UNC5D: variants seen among roughly 807,000 people sequenced by gnomAD.
The protein encoded by UNC5D is unc-5 netrin receptor D, also known as netrin receptor UNC5D.
In UNC5D, 39 loss-of-function variants were observed where a neutral mutation model predicts 105.4. The observed-to-expected ratio is 0.37, with a 90% CI of 0.29 to 0.48. UNC5D has a LOEUF of 0.48. Ranked by LOEUF, UNC5D falls within the 20% of genes least tolerant of loss-of-function variation. The probability of loss-of-function intolerance (pLI) is 0.98; values close to 1 mark genes in which losing one functional copy is unlikely to be tolerated. For missense variants in UNC5D, 991 were observed against 1,202.4 expected (o/e 0.82, Z 2.60); for synonymous variants, 452 against 450.4 (o/e 1.00, Z -0.04).
At chr8:35,463,490 A>G (rs2129695597) in intron 1 of UNC5D, among the ~76,000 whole-genome samples, 1 of 152,270 alleles carries the variant, frequency 6.6e-6, no homozygotes, top group Non-Finnish European at 1.5e-5. Context: ...GTGATCTTAC[A>G]GAAGTCAATG....
chr8:35,538,906 G>C (rs1815066991), intron 1 of UNC5D, among the ~76,000 whole-genome samples: 1 of 152,096 alleles, frequency 6.6e-6, no homozygotes, highest in Non-Finnish European at 1.5e-5. Flanking sequence ...ACTATATTTA[G>C]AGGCAATTTT....
At chr8:35,442,900 TCTCTCACACA>T (rs968264013) in intron 1 of UNC5D, among the ~76,000 whole-genome samples, 3 of 135,138 alleles carry the variant, frequency 2.2e-5, no homozygotes, top group East Asian at 2.1e-4. Context: ...TCTCTCTCTC[TCTCTCACACA>T]CACACACACA....
intron 1 of UNC5D, among the ~76,000 whole-genome samples, chr8:35,416,997 A>G (rs762265927): frequency 2.8e-4 from 42 of 152,244 alleles, no homozygotes; most frequent in African/African-American, 8.2e-4. Context: ...AGTACATGAG[A>G]TGTTTTGATA....
At chr8:35,388,480 A>T (rs1184039552) in intron 1 of UNC5D, among the ~76,000 whole-genome samples, 2 of 152,196 alleles carry the variant, frequency 1.3e-5, no homozygotes, top group African/African-American at 4.8e-5. Flanking sequence ...ACATGTAGTT[A>T]TCAAGGCAGT....
intron 1 of UNC5D, among the ~76,000 whole-genome samples, chr8:35,462,616 C>G (rs1272897144): frequency 6.6e-6 from 1 of 152,086 alleles, no homozygotes; most frequent in Non-Finnish European, 1.5e-5. Context: ...TATTATGGGA[C>G]TAATTTACTT....
intron 4 of UNC5D, among the ~76,000 whole-genome samples, chr8:35,614,390 G>A (rs1442160817): frequency 6.6e-6 from 1 of 152,168 alleles, no homozygotes; most frequent in East Asian, 1.9e-4. Flanking sequence ...GGGTGTCCAT[G>A]TTCTGAAGCA....
At chr8:35,420,190 C>A (rs1420396925) in intron 1 of UNC5D, among the ~76,000 whole-genome samples, 1 of 151,976 alleles carries the variant, frequency 6.6e-6, no homozygotes, top group Non-Finnish European at 1.5e-5. Flanking sequence ...ATTCAAGCAA[C>A]TATTTTTTTG....
intron 1 of UNC5D, among the ~76,000 whole-genome samples, chr8:35,351,473 A>G (rs1333567063): frequency 6.6e-6 from 1 of 152,080 alleles, no homozygotes; most frequent in African/African-American, 2.4e-5. Context: ...TTGAAGTCTC[A>G]AGTATTATGG....
intron 11 of UNC5D, among the ~76,000 whole-genome samples, chr8:35,731,399 C>CAAAAAAAAAA (rs57529561): frequency 3.3e-4 from 10 of 30,662 alleles, no homozygotes; most frequent in African/African-American, 5.7e-4. Flanking sequence ...ACTCTGTCTC[C>CAAAAAAAAAA]AAAAAAAAAA....
chr8:35,327,821 A>G (rs1810289809), intron 1 of UNC5D, among the ~76,000 whole-genome samples: 1 of 152,228 alleles, frequency 6.6e-6, no homozygotes, highest in African/African-American at 2.4e-5. Flanking sequence ...ACAATGTTGC[A>G]AGAGTCATTT....
chr8:35,405,707 C>T (rs1804763921), intron 1 of UNC5D, among the ~76,000 whole-genome samples: 2 of 152,008 alleles, frequency 1.3e-5, no homozygotes, highest in Non-Finnish European at 2.9e-5. Flanking sequence ...TTTACGGGCT[C>T]TGAAATCATA....
intron 1 of UNC5D, among the ~76,000 whole-genome samples, chr8:35,432,124 C>T (rs1343847328): frequency 6.6e-6 from 1 of 152,010 alleles, no homozygotes; most frequent in Non-Finnish European, 1.5e-5. Flanking sequence ...AGCTGTGTGA[C>T]CTTAGGTAAG....
chr8:35,599,209 A>G (rs944888895), intron 4 of UNC5D, among the ~76,000 whole-genome samples: 3 of 150,516 alleles, frequency 2.0e-5, no homozygotes, highest in African/African-American at 7.3e-5. Context: ...TGGTCACCAC[A>G]TGTTGCGGAG....
chr8:35,667,471 TCTA>T (rs1390343880), intron 4 of UNC5D, among the ~76,000 whole-genome samples: 2 of 152,166 alleles, frequency 1.3e-5, no homozygotes, highest in African/African-American at 4.8e-5. Context: ...AAAAGTTTCT[TCTA>T]CTGACAACTA....
intron 1 of UNC5D, among the ~76,000 whole-genome samples, chr8:35,467,993 C>T (rs1470838565): frequency 6.6e-6 from 1 of 152,136 alleles, no homozygotes; most frequent in Non-Finnish European, 1.5e-5. Context: ...CTTTAAGATT[C>T]TCTCAAAGAA....
chr8:35,535,252 CTGAGA>C (rs1205083652), intron 1 of UNC5D, among the ~76,000 whole-genome samples: 1 of 152,080 alleles, frequency 6.6e-6, no homozygotes. Flanking sequence ...AGGAAGGGTG[CTGAGA>C]TAACTAAATA....
intron 15 of UNC5D, among the ~76,000 whole-genome samples, chr8:35,772,158 G>A (rs771360218): frequency 1.3e-5 from 2 of 152,088 alleles, no homozygotes; most frequent in Non-Finnish European, 2.9e-5. Context: ...GTACTTTGAG[G>A]TTCTAAGAAG....
In UNC5D at chr8:35,750,819, T is replaced by A. The variant is rs6468327; in HGVS notation, c.2163+10T>A. 0.022 allele frequency: 35,836 copies of A among 1,613,342 alleles called. 2,384 individuals are homozygous for A. In the African/African-American group the frequency reaches 0.24, roughly 11 times the overall value. On this transcript the variant is annotated intron_variant, in intron 13 of 16. Coordinates refer to ENST00000404895, the MANE Select transcript of UNC5D (RefSeq NM_080872.4). Reference sequence around the variant, plus strand: ...CCCTTGTGCATTTCAGGTTAGCCTTTGTTTTAATAATTTTCTTTTGGTGTC... The same window carrying A: ...CCCTTGTGCATTTCAGGTTAGCCTTAGTTTTAATAATTTTCTTTTGGTGTC...
At chr8:35,430,566 A>T (rs1806558475) in intron 1 of UNC5D, among the ~76,000 whole-genome samples, 1 of 152,122 alleles carries the variant, frequency 6.6e-6, no homozygotes, top group African/African-American at 2.4e-5. Flanking sequence ...AGTGGAGGGC[A>T]GTCTTATGGG....
Sources: gnomAD v4.1 joint callset for allele counts (sites outside exome capture counted in the v4.1 genomes callset) on GRCh38, gnomAD v4.1.1 for gene constraint, MANE v1.5 for transcripts, NCBI Gene and HGNC (gene_info 2026-07-23, HGNC 2026-07-21) for gene names.